DYTN: variants seen among roughly 807,000 people sequenced by gnomAD.
DYTN encodes the protein dystrotelin.
Under a neutral mutation model 69.6 loss-of-function variants are expected in DYTN, and 75 were observed. The ratio of observed to expected loss-of-function variants is 1.08; its 90% CI spans 0.89 to 1.31. The LOEUF (loss-of-function observed/expected upper bound fraction) is 1.31. Ranked by LOEUF, DYTN falls within the 50% of genes most tolerant of loss-of-function variation. DYTN has a pLI of 0.00. For synonymous variants in DYTN, 252 were observed against 249.1 expected, an observed-to-expected ratio of 1.01 and a Z score of -0.11; for missense variants, 726 against 688.4, an observed-to-expected ratio of 1.05 and a Z score of -0.61.
chr2:206,682,098 G>A (rs144277879), intron 9 of DYTN, among the ~76,000 whole-genome samples: 259 of 152,190 alleles, frequency 1.7e-3, no homozygotes, highest in Middle Eastern at 3.4e-3. Flanking sequence ...TCCTGGTTTA[G>A]TCTTGGGAAG....
rs139942634 is a variant in DYTN at position 206,693,374 on chromosome 2, G to C, written c.832-51C>G. 281 of 1,563,354 alleles carry C rather than the reference G, an allele frequency of 1.8e-4. 1 individual carries two copies. The African/African-American group carries it at 3.7e-3, about 20-fold the overall frequency. On this transcript the variant is annotated intron_variant, in intron 8 of 11. Transcript: ENST00000452335. ...AAAGCGTCAGATCAGTCTACGTGTG[G>C]TCTTCCTTCCTTACTTGGATGGACT...
chr2:206,697,675 CAAACTGAGGTCTAGAGAGG>C, intron 7 of DYTN, among the ~76,000 whole-genome samples: 1 of 152,264 alleles, frequency 6.6e-6, no homozygotes, highest in East Asian at 1.9e-4. Context: ...ACAAAAACCC[CAAACTGAGGTCTAGAGAGG>C]TTAAACACCT....
intron 2 of DYTN, 124 bp from the exon 3 acceptor site, chr2:206,707,627 G>A: frequency 1.1e-6 from 1 of 903,238 alleles, no homozygotes; most frequent in Non-Finnish European, 1.7e-6. Context: ...TCTTTTAAGG[G>A]GAATGAAATA....
intron 9 of DYTN, among the ~76,000 whole-genome samples, chr2:206,684,995 T>C (rs552590513): frequency 6.6e-6 from 1 of 152,274 alleles, no homozygotes; most frequent in Non-Finnish European, 1.5e-5. Context: ...TGAAGGCATG[T>C]AATGTAGGGA....
chr2:206,667,405 G>A (rs1699584988), intron 9 of DYTN, among the ~76,000 whole-genome samples: 1 of 152,032 alleles, frequency 6.6e-6, no homozygotes, highest in South Asian at 2.1e-4. Context: ...TCAAGTCTTT[G>A]CTCTCAAGGC....
chr2:206,716,594 A>C (rs1048526431), intron 1 of DYTN, among the ~76,000 whole-genome samples: 1 of 152,118 alleles, frequency 6.6e-6, no homozygotes, highest in Admixed American at 6.6e-5. Flanking sequence ...CTTAGTTTTC[A>C]GATAAGATGC....
chr2:206,678,305 C>T (rs1044232716), intron 9 of DYTN, among the ~76,000 whole-genome samples: 5 of 152,104 alleles, frequency 3.3e-5, no homozygotes, highest in Admixed American at 3.3e-4. Flanking sequence ...AGGCGATAGT[C>T]AATATTAGCA....
intron 11 of DYTN, among the ~76,000 whole-genome samples, chr2:206,662,006 G>A (rs1344851888): frequency 6.6e-6 from 1 of 152,298 alleles, no homozygotes; most frequent in East Asian, 1.9e-4. Context: ...GCAATATGTG[G>A]TATCTTGTGA....
chr2:206,682,905 C>T (rs958079027), intron 9 of DYTN, among the ~76,000 whole-genome samples: 1 of 151,978 alleles, frequency 6.6e-6, no homozygotes, highest in Admixed American at 6.5e-5. Flanking sequence ...CAGGAATAGA[C>T]ACATAGATCT....
chr2:206,698,965 A>T (rs777015593), intron 7 of DYTN, among the ~76,000 whole-genome samples: 27 of 152,306 alleles, frequency 1.8e-4, no homozygotes, highest in Admixed American at 4.6e-4. Flanking sequence ...TAGGTTATTT[A>T]ACTTCTCTGT....
chr2:206,694,388 T>C (rs946433119), intron 8 of DYTN, among the ~76,000 whole-genome samples: 1 of 152,184 alleles, frequency 6.6e-6, no homozygotes, highest in Non-Finnish European at 1.5e-5. Context: ...TCTCCAAAAA[T>C]ATGTTAGTAA....
Position 206,663,235 on chromosome 2 carries a change from T to C in DYTN, c.1301A>G (p.Asp434Gly), listed in dbSNP as rs759100949. Residue 434 changes from aspartate to glycine, a missense_variant, in exon 11 of 12, where the codon GAT becomes GGT. By Grantham distance (94) the Asp-to-Gly change is moderately conservative (BLOSUM62 -1). Transcript: ENST00000452335. ...ACTTCTGTGACTTCTGTCAACCTCA[T>C]CAAGCTTAGGAAGAGGTTCCCCTGT... is the stretch of plus-strand genomic sequence containing the variant. The part of the protein sequence containing the change: ...ASTGEPLPKL[D>G]EVDRSHRSHT... 1.2e-6 allele frequency: 2 copies of C among 1,614,002 alleles called. No individual in the cohort carries two copies. Among genetic ancestry groups the C allele is most frequent in the Non-Finnish European group, 1.7e-6 (2 of 1,179,880 alleles).
intron 5 of DYTN, 129 bp from the exon 6 acceptor site, chr2:206,700,345 C>T: frequency 1.1e-6 from 1 of 949,138 alleles, no homozygotes; most frequent in Non-Finnish European, 1.7e-6. Flanking sequence ...ACGAGGTGAA[C>T]TGTCTCAATC....
At position 206,689,007 on chromosome 2, in the gene DYTN, GT is replaced by G. The variant is rs1352057474; in HGVS notation, c.980+4167del. 3.3e-5 allele frequency among the ~76,000 whole-genome samples: 5 copies of G among 151,976 alleles called. No individual in the cohort carries two copies. The East Asian group carries it at 7.7e-4, about 23-fold the overall frequency. ...TAGTAATTTTTGCTAGTTACTTGGGGTTTCTTAGTAATTCACAATTAAATTA... is the reference window on the plus strand; with the variant it reads ...TAGTAATTTTTGCTAGTTACTTGGGGTTCTTAGTAATTCACAATTAAATTA... On this transcript the variant is annotated intron_variant, in intron 9 of 11. Transcript: ENST00000452335.
chr2:206,670,419 C>T (rs1302119351), intron 9 of DYTN: 5 of 151,610 alleles, frequency 3.3e-5, no homozygotes, highest in Admixed American at 3.3e-4. Context: ...GAAAATTTTT[C>T]TCTAAAAGCA....
At chr2:206,710,185 CT>C (rs910814821) in intron 2 of DYTN, among the ~76,000 whole-genome samples, 5 of 151,264 alleles carry the variant, frequency 3.3e-5, no homozygotes, top group Non-Finnish European at 7.4e-5. Context: ...TTTGAAAATA[CT>C]TTTTTTTTGC....
intron 1 of DYTN, among the ~76,000 whole-genome samples, chr2:206,717,581 C>T (rs1017024505): frequency 2.6e-5 from 4 of 152,092 alleles, no homozygotes; most frequent in Admixed American, 6.6e-5. Flanking sequence ...TTGTGTAAAG[C>T]GTATTAATAT....
intron 10 of DYTN, 21 bp downstream of exon 10, chr2:206,665,849 A>G (rs915626754): frequency 6.2e-7 from 1 of 1,611,428 alleles, no homozygotes; most frequent in Non-Finnish European, 8.5e-7. Context: ...CCAGATGGCC[A>G]GTGTCCCTCA....
intron 7 of DYTN, among the ~76,000 whole-genome samples, chr2:206,696,249 G>A (rs1331762637): frequency 6.6e-6 from 1 of 152,148 alleles, no homozygotes; most frequent in African/African-American, 2.4e-5. Flanking sequence ...GAGTAAGAAG[G>A]GTTTAGAGGA....
Sources: allele counts gnomAD v4.1 joint callset (sites outside exome capture counted in the v4.1 genomes callset), GRCh38; gene constraint gnomAD v4.1.1; transcripts MANE v1.5; gene names NCBI Gene and HGNC (gene_info 2026-07-23, HGNC 2026-07-21).